Variants in BBX observed in about 807,000 individuals in gnomAD.
BBX encodes HMG box transcription factor BBX.
BBX carries 30 observed loss-of-function variants against 100.2 expected under a neutral mutation model. That is an observed-to-expected ratio of 0.30 (90% confidence interval 0.22 to 0.41). The LOEUF (loss-of-function observed/expected upper bound fraction) is 0.41, where lower values mean the gene tolerates loss of function less well. Ranked by LOEUF, BBX falls within the 10% of genes least tolerant of loss-of-function variation. The pLI, the probability that BBX is intolerant of heterozygous loss-of-function variation, is 1.00. For missense variants in BBX, 1,023 were observed against 1,129.8 expected, an observed-to-expected ratio of 0.91 and a Z score of 1.35; for synonymous variants, 376 against 388.1, an observed-to-expected ratio of 0.97 and a Z score of 0.37.
intron 6 of BBX, among the ~76,000 whole-genome samples, chr3:107,730,283 G>A (rs2063224830): frequency 6.6e-6 from 1 of 152,058 alleles, no homozygotes; most frequent in Non-Finnish European, 1.5e-5. Flanking sequence ...CAAATCATTT[G>A]TTATTAGATA....
chr3:107,640,113 C>T (rs1235808310), intron 2 of BBX, among the ~76,000 whole-genome samples: 1 of 152,076 alleles, frequency 6.6e-6, no homozygotes, highest in Non-Finnish European at 1.5e-5. Context: ...GGATTGTTAT[C>T]CCAATTTTGC....
At chr3:107,634,409 A>G (rs2056734346) in intron 2 of BBX, among the ~76,000 whole-genome samples, 1 of 152,248 alleles carries the variant, frequency 6.6e-6, no homozygotes, top group Non-Finnish European at 1.5e-5. Context: ...ATATTAAAAT[A>G]GCTTTGGAGA....
At chr3:107,791,368 T>C in intron 15 of BBX, 69 bp downstream of exon 15, 2 of 1,326,376 alleles carry the variant, frequency 1.5e-6, no homozygotes, top group Non-Finnish European at 2.2e-6. Context: ...TATAGGTTTT[T>C]AAAAGGTATA....
chr3:107,638,062 C>T (rs1559903196), intron 2 of BBX, among the ~76,000 whole-genome samples: 1 of 152,096 alleles, frequency 6.6e-6, no homozygotes, highest in Non-Finnish European at 1.5e-5. Context: ...TAACTACAGG[C>T]ACAAACTACC....
rs1267745956 is a variant in BBX at position 107,574,734 on chromosome 3, C to T, written c.-84+48336C>T. Among the ~76,000 whole-genome samples the T allele has an allele frequency of 3.3e-5, 5 of 152,262 alleles. No individual in the cohort carries two copies. The East Asian group carries it at 9.6e-4, about 29-fold the overall frequency. On this transcript the variant is annotated intron_variant, in intron 2 of 17. Coordinates refer to ENST00000325805, the MANE Select transcript of BBX (RefSeq NM_001142568.3). The stretch of plus-strand genomic sequence containing the variant: ...AAAAAATGTAATTATGAATGAGATG[C>T]AACTGAATGCTGAAGAATATCTCTT...
intron 2 of BBX, among the ~76,000 whole-genome samples, chr3:107,584,064 C>CATATATTATATATATTATATATATT (rs2052541885): frequency 9.8e-5 from 1 of 10,244 alleles, no homozygotes; most frequent in South Asian, 1.4e-3. Flanking sequence ...TTATATATAT[C>CATATATTATATATATTATATATATT]ATATATTATA....
intron 10 of BBX, among the ~76,000 whole-genome samples, chr3:107,756,389 A>G (rs755785786): frequency 1.6e-4 from 24 of 152,186 alleles, no homozygotes; most frequent in Non-Finnish European, 1.5e-4. Flanking sequence ...TCTGTTGGTA[A>G]GATAAATTAG....
At chr3:107,562,147 T>C in intron 2 of BBX, among the ~76,000 whole-genome samples, 1 of 149,018 alleles carries the variant, frequency 6.7e-6, no homozygotes, top group African/African-American at 2.4e-5. Context: ...TAGATCTGGA[T>C]TCTCACACGT....
intron 3 of BBX, among the ~76,000 whole-genome samples, chr3:107,660,505 TAAA>T (rs34604623): frequency 0.14 from 13,875 of 101,368 alleles, 1,364 homozygotes; most frequent in African/African-American, 0.3. Context: ...CAAAAAGCAT[TAAA>T]AAAAAAAAAA....
intron 6 of BBX, 50 bp from the exon 7 acceptor site, chr3:107,732,906 T>C: frequency 7.0e-7 from 1 of 1,432,476 alleles, no homozygotes; most frequent in Non-Finnish European, 9.8e-7. Context: ...CTCTGTGGAT[T>C]GTATGTACTT....
intron 5 of BBX, among the ~76,000 whole-genome samples, chr3:107,718,876 G>A (rs1376679373): frequency 2.6e-5 from 4 of 152,050 alleles, no homozygotes; most frequent in African/African-American, 9.7e-5. Flanking sequence ...GTTAGGAAAT[G>A]TTGCCTCATT....
In BBX at chr3:107,778,423, T is replaced by A; in HGVS notation, c.2107T>A (p.Tyr703Asn). 6.2e-7 allele frequency: 1 copy of A among 1,613,338 alleles called. No homozygotes were observed. The highest frequency in any genetic ancestry group is 8.5e-7 in the Non-Finnish European group (1 of 1,179,518). The change falls in exon 13 of 18, where the codon TAT (tyrosine) becomes AAT (asparagine). Residue 703 changes from tyrosine (Y) to asparagine (N), a missense_variant. Physicochemically the swap from Tyr to Asn is moderately radical, Grantham distance 143. Coordinates refer to ENST00000325805, the MANE Select transcript of BBX (RefSeq NM_001142568.3). ...AAAAAAATTCAACAGCCTCCCTCAATATAGTCCTGTTACATTTGACCGGAA... is the reference window on the plus strand; with the variant it reads ...AAAAAAATTCAACAGCCTCCCTCAAAATAGTCCTGTTACATTTGACCGGAA... ...FEKKFNSLPQ[Y>N]SPVTFDRKCV...
chr3:107,647,256 G>A (rs2057572867), intron 3 of BBX, among the ~76,000 whole-genome samples: 1 of 152,092 alleles, frequency 6.6e-6, no homozygotes, highest in South Asian at 2.1e-4. Context: ...GTATGGTGAG[G>A]TTTAAAGAAA....
intron 7 of BBX, among the ~76,000 whole-genome samples, chr3:107,743,540 C>G (rs2107602455): frequency 6.6e-6 from 1 of 152,248 alleles, no homozygotes; most frequent in East Asian, 1.9e-4. Flanking sequence ...CTTTAAAATC[C>G]AAAGGTGACA....
At chr3:107,561,411 C>G (rs2050487644) in intron 2 of BBX, among the ~76,000 whole-genome samples, 1 of 152,088 alleles carries the variant, frequency 6.6e-6, no homozygotes, top group African/African-American at 2.4e-5. Context: ...TCTAAAACAT[C>G]TGCATAAGGA....
intron 2 of BBX, among the ~76,000 whole-genome samples, chr3:107,619,824 A>G (rs1426592965): frequency 2.0e-5 from 3 of 152,130 alleles, no homozygotes; most frequent in Non-Finnish European, 4.4e-5. Flanking sequence ...TTATTCCCAT[A>G]TAAGTAAGGT....
chr3:107,738,378 C>T (rs2063809099), intron 7 of BBX, among the ~76,000 whole-genome samples: 1 of 152,206 alleles, frequency 6.6e-6, no homozygotes, highest in Non-Finnish European at 1.5e-5. Flanking sequence ...GGTCTACCCA[C>T]TTGCCTGGAG....
At chr3:107,562,966 A>C (rs1336562878) in intron 2 of BBX, among the ~76,000 whole-genome samples, 2 of 152,120 alleles carry the variant, frequency 1.3e-5, no homozygotes, top group African/African-American at 2.4e-5. Context: ...GGAAATTTTT[A>C]TGTGTGGTGT....
intron 3 of BBX, among the ~76,000 whole-genome samples, chr3:107,647,564 T>C (rs188794168): frequency 1.3e-5 from 2 of 152,322 alleles, no homozygotes; most frequent in African/African-American, 4.8e-5. Context: ...ACCTATATGC[T>C]TGTCTTAAAT....
Sources: gnomAD v4.1 joint callset for allele counts (sites outside exome capture counted in the v4.1 genomes callset) on GRCh38, gnomAD v4.1.1 for gene constraint, MANE v1.5 for transcripts, NCBI Gene and HGNC (gene_info 2026-07-23, HGNC 2026-07-21) for gene names.